Variants in GPHN observed in about 807,000 individuals in gnomAD.
GPHN encodes gephyrin.
Under a neutral mutation model 95.5 loss-of-function variants are expected in GPHN, and 17 were observed. The observed-to-expected ratio is 0.18, with a 90% CI of 0.12 to 0.27. The LOEUF is 0.27. GPHN is among the 10% of genes least tolerant of loss of function. The pLI is 1.00. For missense variants in GPHN, 660 were observed against 978.1 expected (o/e 0.67, Z 4.34); for synonymous variants, 320 against 322.5 (o/e 0.99, Z 0.08).
chr14:67,173,669 C>T (rs531751174), intron 21 of GPHN, among the ~76,000 whole-genome samples: 199 of 152,164 alleles, frequency 1.3e-3, no homozygotes, highest in African/African-American at 4.0e-3. Flanking sequence ...AATATAACAC[C>T]GCCAAAGGAA....
At chr14:67,574,632 A>G in the GPHN span, among the ~76,000 whole-genome samples, 1 of 152,232 alleles carries the variant, frequency 6.6e-6, no homozygotes, top group Non-Finnish European at 1.5e-5. This position sits in a 1 kb window ranked among gnomAD's most constrained non-coding sequence, Gnocchi z 4.2. Flanking sequence ...TTCTCAAGAA[A>G]GAGAAGGGAA....
At chr14:66,841,846 G>T (rs1460652358) in intron 4 of GPHN, among the ~76,000 whole-genome samples, 1 of 152,028 alleles carries the variant, frequency 6.6e-6, no homozygotes, top group African/African-American at 2.4e-5. Context: ...TTCAAGACCA[G>T]CCTGGACAAC....
chr14:67,151,003 A>G (rs781235083), intron 18 of GPHN, among the ~76,000 whole-genome samples: 14 of 152,198 alleles, frequency 9.2e-5, no homozygotes, highest in Non-Finnish European at 1.9e-4. Context: ...AAAATTATTT[A>G]TTATCTAGGA....
the GPHN span, chr14:67,557,339 G>A: frequency 6.2e-6 from 10 of 1,613,574 alleles, no homozygotes; most frequent in East Asian, 4.5e-5. Flanking sequence ...AGCCTGCACC[G>A]GAAATACCAA....
chr14:67,246,998 A>G, the GPHN span, among the ~76,000 whole-genome samples: 1 of 152,110 alleles, frequency 6.6e-6, no homozygotes, highest in Middle Eastern at 3.4e-3. Context: ...TGACTCTTCC[A>G]CTGTATTCTT....
chr14:67,519,492 T>C, the GPHN span, among the ~76,000 whole-genome samples: 917 of 152,350 alleles, frequency 6.0e-3, 6 homozygotes, highest in East Asian at 0.017. Context: ...AGTTGAGTCC[T>C]GCATTCACCT....
At chr14:67,646,723 T>C in the GPHN span, 1 of 1,612,428 alleles carries the variant, frequency 6.2e-7, no homozygotes, top group African/African-American at 1.3e-5. Flanking sequence ...CTGAGAGACG[T>C]GGACCCTCCT....
chr14:67,065,363 A>C lies in GPHN; in HGVS notation c.1144+6577A>C, dbSNP rs538010216. ...GTGCTTTACTTCCAATTATGTTGTC[A>C]ATTTTAGAATACGTGCAATGTGGTG... On this transcript the variant is annotated intron_variant, in intron 11 of 22. Transcript: ENST00000478722. Among the ~76,000 whole-genome samples, 11 of 152,248 alleles carry C rather than the reference A, an allele frequency of 7.2e-5. No individual in the cohort carries two copies. The South Asian group carries it at 2.3e-3, about 32-fold the overall frequency.
At chr14:66,813,653 T>G (rs1199297178) in intron 3 of GPHN, among the ~76,000 whole-genome samples, 1 of 152,198 alleles carries the variant, frequency 6.6e-6, no homozygotes, top group African/African-American at 2.4e-5. Flanking sequence ...GAGGGTTTGG[T>G]GCAGAAGTAA....
chr14:67,729,315 G>T, the GPHN span: 1 of 1,600,770 alleles, frequency 6.2e-7, no homozygotes. Context: ...CACGGGAGGG[G>T]GCGCAGACCA....
chr14:67,140,383 TAAAA>T (rs59560735), intron 17 of GPHN, among the ~76,000 whole-genome samples: 6 of 129,698 alleles, frequency 4.6e-5, no homozygotes, highest in Admixed American at 3.0e-4. Flanking sequence ...AGACTCCATC[TAAAA>T]AAAAAAAAAA....
chr14:66,559,848 T>C (rs932962637), intron 1 of GPHN, among the ~76,000 whole-genome samples: 3 of 152,184 alleles, frequency 2.0e-5, no homozygotes, highest in Non-Finnish European at 4.4e-5. Context: ...GCCTAGGTTT[T>C]TTTCTAGGGT....
intron 17 of GPHN, among the ~76,000 whole-genome samples, chr14:67,135,282 A>G (rs1247958915): frequency 6.6e-6 from 1 of 151,984 alleles, no homozygotes; most frequent in African/African-American, 2.4e-5. Context: ...TATTTTTTAT[A>G]AAGGACTGTG....
intron 22 of GPHN, 66 bp downstream of exon 22, chr14:67,179,740 A>C: frequency 1.2e-6 from 1 of 860,872 alleles, no homozygotes; most frequent in Non-Finnish European, 2.0e-6. Context: ...CTTATATATA[A>C]TCTTCCTTGG....
At chr14:67,424,776 G>A in the GPHN span, among the ~76,000 whole-genome samples, 93 of 152,146 alleles carry the variant, frequency 6.1e-4, no homozygotes, top group African/African-American at 2.2e-3. Flanking sequence ...CACAGGATTG[G>A]GCTGCCCCCA....
intron 1 of GPHN, among the ~76,000 whole-genome samples, chr14:66,573,745 A>T (rs991555374): frequency 6.6e-6 from 1 of 151,692 alleles, no homozygotes; most frequent in Non-Finnish European, 1.5e-5. Flanking sequence ...GTGAGCCACC[A>T]TGCCCAGCCT....
chr14:67,469,717 G>C, the GPHN span, among the ~76,000 whole-genome samples: 2 of 152,136 alleles, frequency 1.3e-5, no homozygotes, highest in Non-Finnish European at 2.9e-5. Context: ...TAAAGGGGGA[G>C]AGATTACTCC....
At chr14:67,455,686 T>G in the GPHN span, among the ~76,000 whole-genome samples, 1 of 152,186 alleles carries the variant, frequency 6.6e-6, no homozygotes, top group African/African-American at 2.4e-5. Flanking sequence ...AATCATTTAT[T>G]TATAATTATT....
the GPHN span, among the ~76,000 whole-genome samples, chr14:67,268,972 CAATT>C: frequency 2.0e-5 from 3 of 152,176 alleles, no homozygotes; most frequent in Admixed American, 6.5e-5. Context: ...ACCATCACCA[CAATT>C]AATTTGCATC....
Sources: allele counts gnomAD v4.1 joint callset (sites outside exome capture counted in the v4.1 genomes callset), GRCh38; gene constraint gnomAD v4.1.1; non-coding constraint Gnocchi (gnomAD v3.1); transcripts MANE v1.5; gene names NCBI Gene and HGNC (gene_info 2026-07-23, HGNC 2026-07-21).